The following RCAN1 variants were observed in gnomAD, a reference collection of about 807,000 sequenced individuals.
RCAN1 encodes the protein regulator of calcineurin 1.
RCAN1 carries 11 observed loss-of-function variants against 22.9 expected under a neutral mutation model. The observed-to-expected ratio is 0.48, with a 90% CI of 0.30 to 0.79. The LOEUF is 0.79. Ranked by LOEUF, RCAN1 falls within the 30% of genes least tolerant of loss-of-function variation. The probability of loss-of-function intolerance (pLI) is 0.06; values close to 1 mark genes in which losing one functional copy is unlikely to be tolerated. For synonymous variants in RCAN1, 136 were observed against 142.3 expected, an observed-to-expected ratio of 0.96 and a Z score of 0.32; for missense variants, 291 against 337.8, an observed-to-expected ratio of 0.86 and a Z score of 1.09.
At chr21:34,534,060 G>C (rs1354874326) in intron 1 of RCAN1, among the ~76,000 whole-genome samples, 1 of 152,224 alleles carries the variant, frequency 6.6e-6, no homozygotes, top group African/African-American at 2.4e-5. Context: ...AAGGGGGTTT[G>C]AGCAAAGGTT....
chr21:34,572,504 A>T (rs1235179185), intron 1 of RCAN1, among the ~76,000 whole-genome samples: 3 of 152,200 alleles, frequency 2.0e-5, no homozygotes, highest in African/African-American at 7.2e-5. Flanking sequence ...TTGCTGTTTT[A>T]TGTGTTGGAG....
At chr21:34,594,810 G>A (rs55977675) in intron 1 of RCAN1, among the ~76,000 whole-genome samples, 7,514 of 152,226 alleles carry the variant, frequency 0.049, 230 homozygotes, top group East Asian at 0.14. Context: ...CCAGGCCTCC[G>A]TGTCTTCACT....
At chr21:34,525,597 A>G in intron 1 of RCAN1, 2 of 429,296 alleles carry the variant, frequency 4.7e-6, no homozygotes, top group Non-Finnish European at 4.0e-6. Flanking sequence ...TTTTTAGAAT[A>G]CAGGTTCAGG....
At chr21:34,613,709 G>T in intron 1 of RCAN1, 1 of 1,419,538 alleles carries the variant, frequency 7.0e-7, no homozygotes, top group Admixed American at 2.3e-5. Flanking sequence ...ATGCCTGGAA[G>T]CTTACCTAAG....
chr21:34,585,543 A>G (rs9941886), intron 1 of RCAN1, among the ~76,000 whole-genome samples: 1 of 152,128 alleles, frequency 6.6e-6, no homozygotes, highest in Admixed American at 6.5e-5. Context: ...GGAGATCAAG[A>G]CCATCCTGGC....
chr21:34,599,396 C>A (rs1224521004), intron 1 of RCAN1, among the ~76,000 whole-genome samples: 1 of 152,078 alleles, frequency 6.6e-6, no homozygotes, highest in African/African-American at 2.4e-5. Flanking sequence ...ATCATTTGAA[C>A]CCGGGAGGTG....
chr21:34,555,417 A>T (rs1286087908), intron 1 of RCAN1, among the ~76,000 whole-genome samples: 2 of 152,074 alleles, frequency 1.3e-5, no homozygotes. Context: ...TATGTTTAAA[A>T]TGATCCCATG....
chr21:34,536,919 T>C (rs1354446076), intron 1 of RCAN1, among the ~76,000 whole-genome samples: 5 of 152,302 alleles, frequency 3.3e-5, no homozygotes, highest in South Asian at 2.1e-4. Flanking sequence ...GGGAGAAAAG[T>C]GAGTTATGTG....
chr21:34,601,957 G>C (rs1003654433), intron 1 of RCAN1, among the ~76,000 whole-genome samples: 2 of 151,894 alleles, frequency 1.3e-5, no homozygotes, highest in African/African-American at 4.8e-5. Context: ...AGATTAATAA[G>C]CAGCAACAAA....
chr21:34,552,061 G>T (rs1986389316), intron 1 of RCAN1, among the ~76,000 whole-genome samples: 1 of 152,178 alleles, frequency 6.6e-6, no homozygotes, highest in Non-Finnish European at 1.5e-5. Flanking sequence ...CCATCCTAGG[G>T]TGTTCCTCAC....
chr21:34,610,540 G>A (rs1284020969), intron 1 of RCAN1, among the ~76,000 whole-genome samples: 1 of 152,162 alleles, frequency 6.6e-6, no homozygotes, highest in Non-Finnish European at 1.5e-5. Flanking sequence ...AGCTAGAAGT[G>A]GAGCTTCATC....
chr21:34,557,854 A>C (rs1307445697), intron 1 of RCAN1, among the ~76,000 whole-genome samples: 1 of 152,012 alleles, frequency 6.6e-6, no homozygotes, highest in Non-Finnish European at 1.5e-5. Flanking sequence ...AGCAGTCAAC[A>C]CTCACTCTCT....
intron 1 of RCAN1, among the ~76,000 whole-genome samples, chr21:34,611,476 A>C (rs1398061585): frequency 6.6e-6 from 1 of 152,206 alleles, no homozygotes; most frequent in Non-Finnish European, 1.5e-5. Flanking sequence ...TTCTGATGTA[A>C]ATTTTCAAAA....
chr21:34,560,912 C>T (rs548332281), intron 1 of RCAN1, among the ~76,000 whole-genome samples: 1 of 152,306 alleles, frequency 6.6e-6, no homozygotes, highest in South Asian at 2.1e-4. Flanking sequence ...TCTGTGTCCC[C>T]ACCCAAATCT....
rs1988783986 is a variant in RCAN1 at position 34,615,012 on chromosome 21, C to T, written c.-1G>A. On this transcript the variant is annotated 5_prime_UTR_variant, in exon 1 of 4. Coordinates refer to ENST00000313806, the MANE Select transcript of RCAN1 (RefSeq NM_004414.7). ...GGGGACCGGCCACGCCGTCCTCCAT[C>T]CCCGCGCCCGCGCGACCCTGTGCGC... is the stretch of plus-strand genomic sequence containing the variant. 2.8e-6 allele frequency: 3 copies of T among 1,061,526 alleles called. No individual in the cohort carries two copies. 65.8% of individuals were successfully genotyped at this position (1,061,526 alleles called of 1,614,324 possible).
At chr21:34,571,092 G>A (rs891572499) in intron 1 of RCAN1, among the ~76,000 whole-genome samples, 30 of 152,130 alleles carry the variant, frequency 2.0e-4, no homozygotes, top group Middle Eastern at 3.4e-3. Context: ...TCGGGAGTTC[G>A]AGACCAGCCT....
intron 1 of RCAN1, among the ~76,000 whole-genome samples, chr21:34,567,838 C>T (rs1020747420): frequency 3.3e-5 from 5 of 152,142 alleles, no homozygotes; most frequent in African/African-American, 1.2e-4. Context: ...GTTGGAGCCA[C>T]GAGGCTTGCT....
intron 1 of RCAN1, among the ~76,000 whole-genome samples, chr21:34,603,356 G>GGTACCCCT (rs11281523): frequency 0.66 from 100,437 of 151,428 alleles, 34,166 homozygotes; most frequent in East Asian, 0.9. Flanking sequence ...AATATTACCG[G>GGTACCCCT]GTTCCAGCTG....
At chr21:34,603,249 C>T (rs943076759) in intron 1 of RCAN1, among the ~76,000 whole-genome samples, 1 of 152,216 alleles carries the variant, frequency 6.6e-6, no homozygotes, top group Non-Finnish European at 1.5e-5. Context: ...GGTCTTTGAA[C>T]AGCATTGGAC....
Sources: gnomAD v4.1 joint callset for allele counts (sites outside exome capture counted in the v4.1 genomes callset) on GRCh38, gnomAD v4.1.1 for gene constraint, MANE v1.5 for transcripts, NCBI Gene and HGNC (gene_info 2026-07-23, HGNC 2026-07-21) for gene names.